DLG2: variants seen among roughly 807,000 people sequenced by gnomAD.
DLG2 encodes the protein discs large MAGUK scaffold protein 2.
A neutral mutation model predicts 132.5 loss-of-function variants in DLG2; 45 were observed. That is an observed-to-expected ratio of 0.34 (90% CI 0.27 to 0.44). The LOEUF (loss-of-function observed/expected upper bound fraction) is 0.44. Ranked by LOEUF, DLG2 falls within the 20% of genes least tolerant of loss-of-function variation. The probability of loss-of-function intolerance (pLI) is 1.00; values close to 1 mark genes in which losing one functional copy is unlikely to be tolerated. For missense variants in DLG2, 1,045 were observed against 1,196.9 expected (o/e 0.87, Z 1.87); for synonymous variants, 424 against 419.6 (o/e 1.01, Z -0.13).
At chr11:84,946,899 A>G (rs6592220) in intron 6 of DLG2, among the ~76,000 whole-genome samples, 108,941 of 152,132 alleles carry the variant, frequency 0.72, 40,156 homozygotes, top group East Asian at 0.95. Flanking sequence ...CTGGCTGCTG[A>G]GATGAATGAT....
chr11:84,053,761 CTTCTT>C (rs940630993), intron 11 of DLG2, among the ~76,000 whole-genome samples: 3 of 151,904 alleles, frequency 2.0e-5, no homozygotes, highest in African/African-American at 4.8e-5. Context: ...ACATATGTGT[CTTCTT>C]TAATGGCTGA....
intron 6 of DLG2, among the ~76,000 whole-genome samples, chr11:84,890,537 C>T (rs553757391): frequency 1.3e-5 from 2 of 152,164 alleles, no homozygotes; most frequent in African/African-American, 4.8e-5. Context: ...TCATCTCCCC[C>T]TCCCCAACCC....
intron 7 of DLG2, among the ~76,000 whole-genome samples, chr11:84,343,050 A>G (rs565801357): frequency 2.1e-3 from 314 of 152,332 alleles, no homozygotes; most frequent in African/African-American, 7.3e-3. Flanking sequence ...TAATGACAAT[A>G]CAGTGCAACA....
intron 11 of DLG2, among the ~76,000 whole-genome samples, chr11:84,045,158 G>A (rs1168303937): frequency 1.3e-5 from 2 of 151,698 alleles, no homozygotes; most frequent in Admixed American, 1.3e-4. Flanking sequence ...TTATTTTTAT[G>A]TTTATCTTTC....
intron 6 of DLG2, among the ~76,000 whole-genome samples, chr11:84,589,434 G>T (rs34608414): frequency 6.6e-6 from 1 of 152,076 alleles, no homozygotes; most frequent in Non-Finnish European, 1.5e-5. Flanking sequence ...AGTCACTCTA[G>T]AAGCTCAATC....
chr11:83,731,963 G>A (rs1384971584), intron 18 of DLG2, among the ~76,000 whole-genome samples: 3 of 152,132 alleles, frequency 2.0e-5, no homozygotes, highest in South Asian at 2.1e-4. Context: ...TTAAATAAAT[G>A]TTAGCAACTT....
intron 15 of DLG2, among the ~76,000 whole-genome samples, chr11:83,889,867 A>T (rs2069184251): frequency 1.3e-5 from 2 of 150,410 alleles, no homozygotes; most frequent in Non-Finnish European, 3.0e-5. Context: ...AGAACAAAAA[A>T]CCAAATACCG....
intron 3 of DLG2, among the ~76,000 whole-genome samples, chr11:85,527,735 T>C (rs1167913837): frequency 1.3e-5 from 2 of 152,202 alleles, no homozygotes; most frequent in Non-Finnish European, 2.9e-5. Context: ...CTGGGTCAAA[T>C]GACATTTCTG....
chr11:84,687,958 C>T (rs971732815), intron 6 of DLG2, among the ~76,000 whole-genome samples: 21 of 152,238 alleles, frequency 1.4e-4, no homozygotes, highest in Admixed American at 1.3e-3. Context: ...CATTTAAGTA[C>T]TGAACTTCAT....
At chr11:84,902,816 C>T (rs2091053338) in intron 6 of DLG2, among the ~76,000 whole-genome samples, 1 of 152,166 alleles carries the variant, frequency 6.6e-6, no homozygotes, top group African/African-American at 2.4e-5. Context: ...TAGCTAACAA[C>T]ACCATAATCT....
At position 84,510,853 on chromosome 11, in the gene DLG2, G is replaced by A. The variant is rs939403542; in HGVS notation, c.519+23717C>T. ...TTGTTTGTTTGTTTGTTTTAGGAGT[G>A]GAGGAGCAGAGAGTTTAATAGGCTC... On this transcript the variant is annotated intron_variant, in intron 7 of 27. Transcript: ENST00000376104. 7.2e-5 allele frequency among the ~76,000 whole-genome samples: 11 copies of A among 151,976 alleles called. 1 individual carries two copies. Among genetic ancestry groups the A allele is most frequent in the Non-Finnish European group, 5.9e-5 (4 of 67,978 alleles).
At chr11:83,889,154 T>C (rs1038839452) in intron 15 of DLG2, among the ~76,000 whole-genome samples, 12 of 151,934 alleles carry the variant, frequency 7.9e-5, no homozygotes, top group Non-Finnish European at 1.6e-4. Flanking sequence ...GAAACTACCA[T>C]CAGAGTGAAC....
chr11:83,775,702 T>A (rs200651510), intron 18 of DLG2, among the ~76,000 whole-genome samples: 1 of 87,474 alleles, frequency 1.1e-5, no homozygotes, highest in Admixed American at 9.1e-5. Flanking sequence ...TTATATAAAA[T>A]AAGTTCATTG....
chr11:84,025,071 G>A (rs577837966), intron 11 of DLG2, among the ~76,000 whole-genome samples: 1 of 152,034 alleles, frequency 6.6e-6, no homozygotes, highest in Non-Finnish European at 1.5e-5. Flanking sequence ...TTTCTCTGTT[G>A]AAAGAAAAAA....
At chr11:83,751,898 G>A (rs2093333497) in intron 18 of DLG2, among the ~76,000 whole-genome samples, 1 of 152,200 alleles carries the variant, frequency 6.6e-6, no homozygotes, top group Non-Finnish European at 1.5e-5. Flanking sequence ...AGATAGCAAT[G>A]GGAATTATTA....
intron 8 of DLG2, among the ~76,000 whole-genome samples, chr11:84,169,963 G>C (rs1015236639): frequency 6.6e-6 from 1 of 151,526 alleles, no homozygotes; most frequent in Non-Finnish European, 1.5e-5. Flanking sequence ...GCCCAGTATT[G>C]ATCATTATGT....
chr11:85,421,529 G>T (rs1024903296), intron 3 of DLG2, among the ~76,000 whole-genome samples: 1 of 150,526 alleles, frequency 6.6e-6, no homozygotes, highest in Non-Finnish European at 1.5e-5. Flanking sequence ...TTTTTCACCC[G>T]TTTACCTTAG....
chr11:84,861,621 AAAAAAAAAAAAAAAAAAAC>A lies in DLG2; in HGVS notation c.357+250021_357+250039del, dbSNP rs1262533827. Among the ~76,000 whole-genome samples the A allele has an allele frequency of 7.9e-3, 593 of 75,194 alleles. 11 individuals are homozygous for A. Among genetic ancestry groups the A allele is most frequent in the African/African-American group, 0.031 (574 of 18,796 alleles). The allele number at this position is 75,194 out of a possible 152,430, so 49.3% of individuals were successfully genotyped here. On this transcript the variant is annotated intron_variant, in intron 6 of 27. Transcript: ENST00000376104. ...AAACTAAAGAGCTTCTACACAGCAA[AAAAAAAAAAAAAAAAAAAC>A]AAAAAAAAAAACCTATCAGAGGGAA... is the stretch of plus-strand genomic sequence containing the variant.
intron 26 of DLG2, among the ~76,000 whole-genome samples, chr11:83,465,003 C>T (rs2090755658): frequency 6.6e-6 from 1 of 152,098 alleles, no homozygotes; most frequent in Non-Finnish European, 1.5e-5. Context: ...CAATGCCCGA[C>T]ATAGTATCCT....
Sources: gnomAD v4.1 joint callset for allele counts (sites outside exome capture counted in the v4.1 genomes callset) on GRCh38, gnomAD v4.1.1 for gene constraint, MANE v1.5 for transcripts, NCBI Gene and HGNC (gene_info 2026-07-23, HGNC 2026-07-21) for gene names.